The following FBXL2 variants were observed in gnomAD, a reference collection of about 807,000 sequenced individuals.
FBXL2 encodes F-box/LRR-repeat protein 2.
Under a neutral mutation model 69.2 loss-of-function variants are expected in FBXL2, and 38 were observed. The ratio of observed to expected loss-of-function variants is 0.55; its 90% CI spans 0.42 to 0.72. The LOEUF is 0.72. Ranked by LOEUF, FBXL2 falls within the 30% of genes least tolerant of loss-of-function variation. The probability of loss-of-function intolerance (pLI) is 0.00; values close to 1 mark genes in which losing one functional copy is unlikely to be tolerated. For synonymous variants in FBXL2, 192 were observed against 201.3 expected (o/e 0.95, Z 0.39); for missense variants, 354 against 520.3 (o/e 0.68, Z 3.11).
At chr3:33,388,363 T>C (rs1336490130), downstream of FBXL2, 1 of 152,608 alleles carries the variant, frequency 6.6e-6, no homozygotes, top group East Asian at 1.9e-4. Flanking sequence ...AAACATTTAT[T>C]ATACTGAAAT....
At chr3:33,296,526 C>T (rs761948502) in intron 1 of FBXL2, among the ~76,000 whole-genome samples, 3 of 151,968 alleles carry the variant, frequency 2.0e-5, no homozygotes, top group South Asian at 2.1e-4. Flanking sequence ...TTATTTAAGT[C>T]GCTGAGCCAT....
chr3:33,289,787 C>T, intron 1 of FBXL2: 1 of 985,286 alleles, frequency 1.0e-6, no homozygotes, highest in Non-Finnish European at 1.2e-6. Flanking sequence ...TAAGAAGGGT[C>T]CTGCTGAGGT....
At chr3:33,334,758 T>C (rs1293484983) in intron 2 of FBXL2, among the ~76,000 whole-genome samples, 1 of 151,932 alleles carries the variant, frequency 6.6e-6, no homozygotes, top group African/African-American at 2.4e-5. Flanking sequence ...AAGAGAAAGC[T>C]TAAGACGACA....
intron 2 of FBXL2, chr3:33,300,618 A>G (rs1028197605): frequency 2.6e-5 from 4 of 152,108 alleles, no homozygotes; most frequent in Admixed American, 2.6e-4. Context: ...TTAATTTAAG[A>G]ATTTTTTGCT....
the FBXL2 span, chr3:33,411,455 TAGAA>T: frequency 1.3e-5 from 10 of 773,214 alleles, no homozygotes. Flanking sequence ...ACTATGTATA[TAGAA>T]AGACACTACA....
chr3:33,409,432 C>T, the FBXL2 span: 8 of 1,614,006 alleles, frequency 5.0e-6, no homozygotes, highest in South Asian at 3.3e-5. Context: ...ACAGAAAACC[C>T]GGGTTCTCTG....
At chr3:33,393,534 C>A (rs2043851261) in intron 12 of FBXL2, 2 of 1,392,136 alleles carry the variant, frequency 1.4e-6, no homozygotes, top group South Asian at 1.5e-5. Flanking sequence ...AGGATCTGTA[C>A]GAAGGTCACA....
At chr3:33,412,454 G>A in the FBXL2 span, among the ~76,000 whole-genome samples, 865 of 151,828 alleles carry the variant, frequency 5.7e-3, 6 homozygotes, top group South Asian at 0.026. Flanking sequence ...ATGGTGGCGC[G>A]CACCTGCAAT....
intron 2 of FBXL2, among the ~76,000 whole-genome samples, chr3:33,330,900 CACACACACACACAA>C (rs895418843): frequency 2.0e-4 from 29 of 145,994 alleles, no homozygotes; most frequent in African/African-American, 6.0e-4. Flanking sequence ...CACACACAAA[CACACACACACACAA>C]ACACACACAC....
intron 2 of FBXL2, among the ~76,000 whole-genome samples, chr3:33,323,798 A>T (rs1013950787): frequency 1.3e-5 from 2 of 151,888 alleles, no homozygotes; most frequent in African/African-American, 4.8e-5. Flanking sequence ...TAGTAGAATG[A>T]TATAATCCTT....
At chr3:33,365,555 G>C (rs1201902230) in intron 5 of FBXL2, among the ~76,000 whole-genome samples, 1 of 152,146 alleles carries the variant, frequency 6.6e-6, no homozygotes, top group Non-Finnish European at 1.5e-5. Context: ...ACAGGTGTGA[G>C]CCACTGCACC....
chr3:33,363,051 G>GT (rs1306025940), intron 4 of FBXL2, among the ~76,000 whole-genome samples: 1 of 151,982 alleles, frequency 6.6e-6, no homozygotes, highest in Non-Finnish European at 1.5e-5. Context: ...TTGTTTGTTT[G>GT]TTTTTATGAG....
At chr3:33,417,176 TG>T in the FBXL2 span, among the ~76,000 whole-genome samples, 2 of 152,314 alleles carry the variant, frequency 1.3e-5, no homozygotes, top group South Asian at 4.1e-4. Context: ...TTAAAAAGTG[TG>T]TAAATCATTG....
intron 2 of FBXL2, chr3:33,302,970 T>C (rs546893179): frequency 1.0e-5 from 4 of 387,258 alleles, no homozygotes; most frequent in South Asian, 5.9e-5. Context: ...CATTAAGATA[T>C]AGCCCAGTGC....
chr3:33,331,052 T>A lies in FBXL2; in HGVS notation c.66-27915T>A, dbSNP rs901711138. Among the ~76,000 whole-genome samples, 4 of 151,654 alleles carry A rather than the reference T, an allele frequency of 2.6e-5. No individual in the cohort carries two copies. In the East Asian group the frequency reaches 7.7e-4, roughly 29 times the overall value. On this transcript the variant is annotated intron_variant, in intron 2 of 14. Transcript: ENST00000484457. ...CTGTTATGTATCAATAAAAGGTTTT[T>A]AAATACTTTAAATGAACTAGCTAAT...
chr3:33,342,707 A>ACTT (rs1284246214), intron 2 of FBXL2, among the ~76,000 whole-genome samples: 3 of 104,836 alleles, frequency 2.9e-5, no homozygotes, highest in South Asian at 3.1e-4. Context: ...AACAAATATA[A>ACTT]CTTCTTTTTT....
chr3:33,383,146 C>T (rs2043171520), intron 13 of FBXL2: 1 of 152,230 alleles, frequency 6.6e-6, no homozygotes, highest in Admixed American at 6.5e-5. Flanking sequence ...ACTCTCCAGT[C>T]TGGGCTCTGC....
At position 33,373,839 on chromosome 3, in the gene FBXL2, CCACT is replaced by C; in HGVS notation, c.583-5_583-2del. ...TCCAGCTGTCTTTTGTTTTCTCTGTCCACTCAGTTAGAAGATGAAGCTCTGAAAC... is the reference window on the plus strand; with the variant it reads ...TCCAGCTGTCTTTTGTTTTCTCTGTCCAGTTAGAAGATGAAGCTCTGAAAC... On this transcript the variant is annotated splice_region_variant and splice_polypyrimidine_tract_variant and intron_variant, in intron 8 of 14. Coordinates refer to ENST00000484457, the MANE Select transcript of FBXL2 (RefSeq NM_012157.5). 1.9e-6 allele frequency: 3 copies of C among 1,614,138 alleles called. No homozygotes were observed. Among genetic ancestry groups the C allele is most frequent in the Non-Finnish European group, 2.5e-6 (3 of 1,179,970 alleles).
rs1349000936 is a variant in FBXL2 at position 33,373,927 on chromosome 3, T to C, written c.657+6T>C. 6.2e-7 allele frequency: 1 copy of C among 1,613,860 alleles called. No individual in the cohort carries two copies. The highest frequency in any genetic ancestry group is 1.3e-5 in the African/African-American group (1 of 75,060). On this transcript the variant is annotated splice_donor_region_variant and intron_variant, in intron 9 of 14. Coordinates refer to ENST00000484457, the MANE Select transcript of FBXL2 (RefSeq NM_012157.5). ...TCAACTTGCAGTCCTGCTCAGTAAG[T>C]AGCGTGCCTTTCCTGAACACTGTTT...
Sources: allele counts gnomAD v4.1 joint callset (sites outside exome capture counted in the v4.1 genomes callset), GRCh38; gene constraint gnomAD v4.1.1; transcripts MANE v1.5; gene names NCBI Gene and HGNC (gene_info 2026-07-23, HGNC 2026-07-21).